The following TNRC6B variants were observed in gnomAD, a reference collection of about 807,000 sequenced individuals.
TNRC6B encodes trinucleotide repeat-containing gene 6B protein.
Under a neutral mutation model 203.6 loss-of-function variants are expected in TNRC6B, and 52 were observed. That is an observed-to-expected ratio of 0.26 (90% CI 0.20 to 0.32). The LOEUF (loss-of-function observed/expected upper bound fraction) is 0.32. Among genes scored for constraint, TNRC6B ranks in the 10% least tolerant of loss-of-function variants. TNRC6B has a pLI of 1.00. For missense variants in TNRC6B, 1,923 were observed against 2,286.2 expected, an observed-to-expected ratio of 0.84 and a Z score of 3.24; for synonymous variants, 838 against 845.7, an observed-to-expected ratio of 0.99 and a Z score of 0.16.
At chr22:40,161,649 T>C (rs916261506) in intron 4 of TNRC6B, among the ~76,000 whole-genome samples, 19 of 152,228 alleles carry the variant, frequency 1.2e-4, no homozygotes, top group African/African-American at 4.6e-4. Flanking sequence ...TGCTAAACTA[T>C]TAATATTCTA....
chr22:40,097,086 G>A (rs1410993296), intron 1 of TNRC6B, among the ~76,000 whole-genome samples: 1 of 152,204 alleles, frequency 6.6e-6, no homozygotes, highest in Non-Finnish European at 1.5e-5. Context: ...GTGTCAGGTG[G>A]CATAGCTGAA....
intron 1 of TNRC6B, among the ~76,000 whole-genome samples, chr22:40,085,594 T>G (rs1476467070): frequency 1.3e-5 from 2 of 152,220 alleles, no homozygotes; most frequent in African/African-American, 4.8e-5. Context: ...TTGAATTTTA[T>G]GTAAACTTGT....
At chr22:40,240,292 G>A (rs2070010898) in intron 1 of TNRC6B, among the ~76,000 whole-genome samples, 3 of 152,208 alleles carry the variant, frequency 2.0e-5, no homozygotes, top group Admixed American at 1.3e-4. Context: ...AGATTATGGT[G>A]TTTGCACTTG....
chr22:40,283,096 C>T (rs1014511857), intron 11 of TNRC6B, among the ~76,000 whole-genome samples: 11 of 152,116 alleles, frequency 7.2e-5, no homozygotes, highest in African/African-American at 2.2e-4. Flanking sequence ...AATGCAGTGG[C>T]GTGATCTCTG....
upstream of TNRC6B, among the ~76,000 whole-genome samples, chr22:40,173,037 C>T (rs141857992): frequency 2.5e-3 from 387 of 152,318 alleles, 1 homozygote; most frequent in African/African-American, 9.1e-3. Context: ...TTTGTGACTT[C>T]TCTCTTTCAA....
At chr22:40,211,151 C>T (rs2069556743) in intron 1 of TNRC6B, among the ~76,000 whole-genome samples, 1 of 152,112 alleles carries the variant, frequency 6.6e-6, no homozygotes, top group Admixed American at 6.6e-5. Context: ...CTTGCTTTGT[C>T]ATCCAGGCTG....
rs1187154271 is a variant in TNRC6B at position 40,187,970 on chromosome 22, A to T, written c.5+9830A>T. Among the ~76,000 whole-genome samples, 4 of 152,344 alleles carry T rather than the reference A, an allele frequency of 2.6e-5. No individual in the cohort carries two copies. The South Asian group carries it at 8.3e-4, about 32-fold the overall frequency. On this transcript the variant is annotated intron_variant, in intron 1 of 22. Coordinates refer to ENST00000454349, the MANE Select transcript of TNRC6B (RefSeq NM_001162501.2). ...TACGGTGGCTCACGCCTGTAGTCCC[A>T]GCACTTTGGGAGGCTGAGGCGGGTG...
In TNRC6B at chr22:40,248,707, G is replaced by T. The variant is rs555832885; in HGVS notation, c.94-2472G>T. 6.6e-4 allele frequency among the ~76,000 whole-genome samples: 100 copies of T among 152,258 alleles called. 1 individual carries two copies. The highest frequency in any genetic ancestry group is 4.6e-3 in the South Asian group (22 of 4,822). On this transcript the variant is annotated intron_variant, in intron 2 of 22. Coordinates refer to ENST00000454349, the MANE Select transcript of TNRC6B (RefSeq NM_001162501.2). Reference sequence around the variant, plus strand: ...GCCTTCATCTGCATTAAGAACTGATGAAGAAGTGATAGCAAAGGGGAAAAT... The same window carrying T: ...GCCTTCATCTGCATTAAGAACTGATTAAGAAGTGATAGCAAAGGGGAAAAT...
At chr22:40,055,877 T>C (rs948189983) in intron 1 of TNRC6B, among the ~76,000 whole-genome samples, 1 of 152,218 alleles carries the variant, frequency 6.6e-6, no homozygotes, top group African/African-American at 2.4e-5. Flanking sequence ...GCCTCTGGTA[T>C]ATGTTCTGGG....
intron 1 of TNRC6B, among the ~76,000 whole-genome samples, chr22:40,244,417 A>G (rs1400241191): frequency 6.6e-6 from 1 of 152,140 alleles, no homozygotes; most frequent in Non-Finnish European, 1.5e-5. Context: ...TAATATTTGA[A>G]TGCAGACAAA....
intron 16 of TNRC6B, 110 bp downstream of exon 16, chr22:40,308,759 C>G: frequency 7.9e-7 from 1 of 1,258,504 alleles, no homozygotes. Flanking sequence ...CCTTGTGAAT[C>G]CTATGATTGC....
intron 1 of TNRC6B, among the ~76,000 whole-genome samples, chr22:40,069,787 C>T (rs936320274): frequency 3.9e-5 from 6 of 152,062 alleles, no homozygotes; most frequent in South Asian, 2.1e-4. Flanking sequence ...TGCGCCCGGC[C>T]GAGAGCTTCT....
intron 3 of TNRC6B, among the ~76,000 whole-genome samples, chr22:40,253,342 G>A (rs1485030392): frequency 1.3e-5 from 2 of 150,508 alleles, no homozygotes; most frequent in African/African-American, 2.4e-5. Flanking sequence ...CGCCTGCCTC[G>A]GCCTCCCAAA....
chr22:40,281,679 A>G (rs78950077), intron 11 of TNRC6B, among the ~76,000 whole-genome samples: 4,592 of 152,292 alleles, frequency 0.03, 213 homozygotes, highest in African/African-American at 0.11. Context: ...TAAACCTGCT[A>G]ATTTAAAAAT....
At chr22:40,103,804 G>A (rs1270804335) in intron 1 of TNRC6B, among the ~76,000 whole-genome samples, 1 of 150,540 alleles carries the variant, frequency 6.6e-6, no homozygotes, top group Non-Finnish European at 1.5e-5. Flanking sequence ...CACCACACTC[G>A]GCTAATTTTT....
In TNRC6B at chr22:40,177,973, A is replaced by G; in HGVS notation, c.-163A>G. The G allele has an allele frequency of 2.0e-6, 3 of 1,473,434 alleles. No homozygotes were observed. The South Asian group carries it at 4.3e-5, about 21-fold the overall frequency. 91.3% of individuals were successfully genotyped at this position (1,473,434 alleles called of 1,614,324 possible). ...GCAAGAGGGAGAGTGTGTGAGAGAG[A>G]GTTAGTTCAAGCCAAAATGGCCGAC... On this transcript the variant is annotated 5_prime_UTR_variant, in exon 1 of 23. Transcript: ENST00000454349.
At chr22:40,227,477 G>C (rs2069806932) in intron 1 of TNRC6B, among the ~76,000 whole-genome samples, 1 of 142,634 alleles carries the variant, frequency 7.0e-6, no homozygotes, top group South Asian at 2.2e-4. Flanking sequence ...AGCCTCCCAA[G>C]TAGCTGGGAT....
intron 1 of TNRC6B, among the ~76,000 whole-genome samples, chr22:40,211,682 C>T (rs2046415786): frequency 6.6e-6 from 1 of 152,164 alleles, no homozygotes; most frequent in South Asian, 2.1e-4. Flanking sequence ...GCTTCCTTGT[C>T]CTTAGAGCCA....
intron 1 of TNRC6B, among the ~76,000 whole-genome samples, chr22:40,054,395 G>T (rs1601786957): frequency 1.3e-5 from 2 of 152,102 alleles, no homozygotes; most frequent in East Asian, 3.9e-4. Context: ...CCGGAAATGT[G>T]TGTTCTTCAC....
Sources: allele counts gnomAD v4.1 joint callset (sites outside exome capture counted in the v4.1 genomes callset), GRCh38; gene constraint gnomAD v4.1.1; transcripts MANE v1.5; gene names NCBI Gene and HGNC (gene_info 2026-07-23, HGNC 2026-07-21).